EIF4G3: variants seen among roughly 807,000 people sequenced by gnomAD.
EIF4G3 encodes the protein eIF-4-gamma 3.
A neutral mutation model predicts 186.4 loss-of-function variants in EIF4G3; 34 were observed. That is an observed-to-expected ratio of 0.18 (90% CI 0.14 to 0.24). The LOEUF (loss-of-function observed/expected upper bound fraction) is 0.24. Ranked by LOEUF, EIF4G3 falls within the 10% of genes least tolerant of loss-of-function variation. EIF4G3 has a pLI of 1.00. For missense variants in EIF4G3, 1,536 were observed against 1,948.5 expected, an observed-to-expected ratio of 0.79 and a Z score of 3.99; for synonymous variants, 673 against 679.5, an observed-to-expected ratio of 0.99 and a Z score of 0.15.
intron 4 of EIF4G3, among the ~76,000 whole-genome samples, chr1:21,028,318 T>TG (rs2092387066): frequency 6.6e-6 from 1 of 151,998 alleles, no homozygotes; most frequent in Admixed American, 6.6e-5. Context: ...TTTTTTAAAT[T>TG]GGGAAAAAAA....
intron 2 of EIF4G3, among the ~76,000 whole-genome samples, chr1:21,170,137 T>C (rs548397377): frequency 1.3e-4 from 19 of 151,912 alleles, no homozygotes; most frequent in African/African-American, 4.1e-4. Flanking sequence ...ATTGTGCCAC[T>C]AGCACTCCAG....
chr1:20,967,256 A>G (rs1162233110), intron 12 of EIF4G3, among the ~76,000 whole-genome samples: 2 of 152,238 alleles, frequency 1.3e-5, no homozygotes, highest in Non-Finnish European at 2.9e-5. Flanking sequence ...ATTTAAACAG[A>G]AATCAACAAA....
At chr1:21,126,089 C>G (rs1371061355) in intron 2 of EIF4G3, among the ~76,000 whole-genome samples, 1 of 151,806 alleles carries the variant, frequency 6.6e-6, no homozygotes, top group Non-Finnish European at 1.5e-5. Flanking sequence ...TACCTGTAGT[C>G]CCAGCTACAC....
In EIF4G3 at chr1:20,810,867, T is replaced by C; in HGVS notation, c.4615A>G (p.Arg1539Gly). 1 of 1,613,660 alleles carries C rather than the reference T, an allele frequency of 6.2e-7. No individual in the cohort carries two copies. ...TGCTTGATAACAGCAGTGTCCACTC[T>C]GAAGGTAGAAGAGTCGGCTAAAGGT... ...AAIIADSSTF[R>G]VDTAVIKQRV... Residue 1539 changes from arginine (R) to glycine (G), a missense_variant, in exon 36 of 37, where the codon AGA becomes GGA. This residue lies in a region of EIF4G3 where 395 missense variants were observed against 498.9 expected (regional missense o/e 0.79). Transcript: ENST00000602326. This position sits in a 1 kb window ranked among gnomAD's most constrained non-coding sequence, Gnocchi z 4.1.
chr1:21,106,608 T>C (rs2096622980), intron 2 of EIF4G3, among the ~76,000 whole-genome samples: 1 of 151,850 alleles, frequency 6.6e-6, no homozygotes, highest in African/African-American at 2.4e-5. Context: ...CTATGAAAAA[T>C]CCAGGAGGAG....
At chr1:20,928,953 T>G (rs1400932518) in intron 14 of EIF4G3, among the ~76,000 whole-genome samples, 1 of 152,202 alleles carries the variant, frequency 6.6e-6, no homozygotes, top group Non-Finnish European at 1.5e-5. Flanking sequence ...ATTTGCCTAT[T>G]CCTGACATTT....
Position 21,018,269 on chromosome 1 carries a change from C to T in EIF4G3, c.-66-15461G>A, listed in dbSNP as rs79321562. Among the ~76,000 whole-genome samples, 1,471 of 152,140 alleles carry T rather than the reference C, an allele frequency of 9.7e-3. 18 individuals are homozygous for T. The highest frequency in any genetic ancestry group is 0.034 in the Admixed American group (514 of 15,282). On this transcript the variant is annotated intron_variant, in intron 4 of 36. Transcript: ENST00000602326. ...TCAAATGTAAATGTTCTTAATGCCA[C>T]GGAACTATAAACTTAAAAATGGTTA...
At chr1:21,013,608 G>C (rs1425850212) in intron 4 of EIF4G3, among the ~76,000 whole-genome samples, 1 of 152,216 alleles carries the variant, frequency 6.6e-6, no homozygotes. Flanking sequence ...GCCAGTGCTA[G>C]AGGGACAAAA....
chr1:20,908,548 A>C (rs2092657221), intron 14 of EIF4G3, among the ~76,000 whole-genome samples: 1 of 152,170 alleles, frequency 6.6e-6, no homozygotes, highest in Non-Finnish European at 1.5e-5. Context: ...AAAGGACTTC[A>C]TCTTAAGATT....
chr1:20,968,172 A>T (rs961705721), intron 12 of EIF4G3, among the ~76,000 whole-genome samples: 3 of 151,708 alleles, frequency 2.0e-5, no homozygotes, highest in Non-Finnish European at 2.9e-5. Flanking sequence ...ATGAAATACA[A>T]ATCTTTTTTT....
At chr1:20,818,613 G>A (rs1379408020) in intron 33 of EIF4G3, among the ~76,000 whole-genome samples, 1 of 152,012 alleles carries the variant, frequency 6.6e-6, no homozygotes, top group African/African-American at 2.4e-5. Context: ...CTGCTCTGCA[G>A]CCTGGCAATA....
chr1:20,917,571 A>G (rs1273451725), intron 14 of EIF4G3, among the ~76,000 whole-genome samples: 1 of 152,212 alleles, frequency 6.6e-6, no homozygotes, highest in Non-Finnish European at 1.5e-5. Flanking sequence ...AATGCAAACT[A>G]ATCTGTAGTG....
intron 33 of EIF4G3, among the ~76,000 whole-genome samples, chr1:20,818,093 A>G (rs1476921708): frequency 6.6e-6 from 1 of 152,150 alleles, no homozygotes; most frequent in Non-Finnish European, 1.5e-5. Flanking sequence ...TCTCTAGGCT[A>G]TGGTTACACG....
At chr1:21,074,163 C>T (rs2095520357) in intron 3 of EIF4G3, among the ~76,000 whole-genome samples, 2 of 152,078 alleles carry the variant, frequency 1.3e-5, no homozygotes, top group Admixed American at 1.3e-4. Context: ...GACACTACTG[C>T]CATTAGGGCC....
chr1:20,815,595 G>A (rs1468576520), intron 34 of EIF4G3, among the ~76,000 whole-genome samples: 43 of 151,608 alleles, frequency 2.8e-4, no homozygotes, highest in African/African-American at 8.5e-4. Context: ...CAGCCACCCC[G>A]TCTGGGAAGT....
intron 4 of EIF4G3, among the ~76,000 whole-genome samples, chr1:21,021,421 T>G (rs548473750): frequency 6.6e-6 from 1 of 152,208 alleles, no homozygotes; most frequent in Non-Finnish European, 1.5e-5. Flanking sequence ...AACTCACAAT[T>G]TCTCAGACAA....
chr1:20,849,204 C>T (rs1240003999), intron 29 of EIF4G3, among the ~76,000 whole-genome samples: 1 of 151,934 alleles, frequency 6.6e-6, no homozygotes, highest in East Asian at 1.9e-4. Flanking sequence ...ACTCTCTGCC[C>T]ACCACTCTAT....
At chr1:20,962,784 G>A (rs545107864) in intron 12 of EIF4G3, among the ~76,000 whole-genome samples, 11 of 152,202 alleles carry the variant, frequency 7.2e-5, no homozygotes, top group South Asian at 4.2e-4. Flanking sequence ...TATTTTAAGC[G>A]GATACTCTCA....
intron 2 of EIF4G3, among the ~76,000 whole-genome samples, chr1:21,098,577 AAG>A (rs1284662545): frequency 1.1e-4 from 17 of 150,574 alleles, no homozygotes; most frequent in Non-Finnish European, 1.9e-4. Context: ...GAAGAAGAAG[AAG>A]AAGAAAGAAA....
Sources: gnomAD v4.1 joint callset for allele counts (sites outside exome capture counted in the v4.1 genomes callset) on GRCh38, gnomAD v4.1.1 for gene constraint, gnomAD v4.1.1 regional missense constraint, Gnocchi (gnomAD v3.1) non-coding constraint, MANE v1.5 for transcripts, NCBI Gene and HGNC (gene_info 2026-07-23, HGNC 2026-07-21) for gene names.